The following SLMAP variants were observed in gnomAD, a reference collection of about 807,000 sequenced individuals.
The protein encoded by SLMAP is sarcolemma associated protein, also known as sarcolemmal membrane-associated protein.
Under a neutral mutation model 128.8 loss-of-function variants are expected in SLMAP, and 44 were observed. That is an observed-to-expected ratio of 0.34 (90% confidence interval 0.27 to 0.44). SLMAP has a LOEUF of 0.44. Among genes scored for constraint, SLMAP ranks in the 20% least tolerant of loss-of-function variants. The pLI is 1.00. For missense variants in SLMAP, 787 were observed against 985.3 expected (o/e 0.80, Z 2.69); for synonymous variants, 327 against 348.8 (o/e 0.94, Z 0.70).
intron 2 of SLMAP, among the ~76,000 whole-genome samples, chr3:57,776,102 A>G (rs1417295259): frequency 1.3e-5 from 2 of 152,192 alleles, no homozygotes. Flanking sequence ...ACTATGTGCT[A>G]CTTTGATAAT....
chr3:57,873,498 G>A (rs148956716), intron 14 of SLMAP, among the ~76,000 whole-genome samples: 17,603 of 151,634 alleles, frequency 0.12, 1,115 homozygotes, highest in South Asian at 0.15. Context: ...GTGAGACTCC[G>A]TCTCAAAAAA....
intron 15 of SLMAP, 138 bp downstream of exon 15, chr3:57,890,238 G>C: frequency 1.5e-6 from 1 of 651,778 alleles, no homozygotes; most frequent in Non-Finnish European, 2.6e-6. Flanking sequence ...AACAGTATCA[G>C]ATAATATATA....
chr3:57,874,551 T>A (rs1270393877), intron 14 of SLMAP, among the ~76,000 whole-genome samples: 1 of 151,238 alleles, frequency 6.6e-6, no homozygotes, highest in Non-Finnish European at 1.5e-5. Flanking sequence ...TGAGACTCCG[T>A]CTCTTTGGGG....
At chr3:57,835,488 AAAC>A in intron 3 of SLMAP, among the ~76,000 whole-genome samples, 1 of 152,198 alleles carries the variant, frequency 6.6e-6, no homozygotes, top group East Asian at 1.9e-4. Context: ...AAGCTAGAAT[AAAC>A]AACAAAGTAG....
In SLMAP at chr3:57,917,011, G is replaced by A; in HGVS notation, c.2244G>A (p.Arg748=). The A allele has an allele frequency of 6.2e-7, 1 of 1,613,874 alleles. No individual in the cohort carries two copies. The highest frequency in any genetic ancestry group is 8.5e-7 in the Non-Finnish European group (1 of 1,179,920). Reference sequence around the variant, plus strand: ...GATCCTTGAAAGAACAGCATCTTCGGGATTCAGCTGATTTAAAAACTCTTC... The same window carrying A: ...GATCCTTGAAAGAACAGCATCTTCGAGATTCAGCTGATTTAAAAACTCTTC... ...QVGSLKEQHL[R]DSADLKTLLS... is the part of the protein sequence containing the mutation. Residue 748 remains arginine (R), a synonymous_variant, in exon 22 of 25, where the codon CGG becomes CGA. Transcript: ENST00000671191.
chr3:57,879,430 T>G (rs138054165), intron 14 of SLMAP, among the ~76,000 whole-genome samples: 1 of 152,134 alleles, frequency 6.6e-6, no homozygotes, highest in Admixed American at 6.5e-5. Flanking sequence ...AGAGTGTTCA[T>G]AGCAGCATTA....
Position 57,807,867 on chromosome 3 carries a change from C to T in SLMAP, c.199-23516C>T, listed in dbSNP as rs369730970. On this transcript the variant is annotated intron_variant, in intron 2 of 24. Coordinates refer to ENST00000671191, the MANE Select transcript of SLMAP (RefSeq NM_001377540.1). ...ATGGTACCAGCTCCTCTTTGTTCCT[C>T]TGGTAGAACTTGGCTGTGAATCCAT... Among the ~76,000 whole-genome samples the T allele has an allele frequency of 5.3e-4, 80 of 152,258 alleles. 1 individual carries two copies. Among genetic ancestry groups the T allele is most frequent in the African/African-American group, 1.8e-3 (74 of 41,546 alleles).
intron 14 of SLMAP, among the ~76,000 whole-genome samples, chr3:57,886,843 T>C (rs1456764120): frequency 2.6e-5 from 4 of 152,092 alleles, no homozygotes; most frequent in Non-Finnish European, 5.9e-5. Flanking sequence ...TCATGTGTTA[T>C]ATTGTTTTAT....
In SLMAP at chr3:57,839,434, ATTTTTTTTT is replaced by A. The variant is rs1189313640; in HGVS notation, c.347-1849_347-1841del. Among the ~76,000 whole-genome samples the A allele has an allele frequency of 2.1e-3, 174 of 82,878 alleles. 1 individual carries two copies. The Middle Eastern group carries it at 0.058, about 28-fold the overall frequency. 54.4% of individuals were successfully genotyped at this position (82,878 alleles called of 152,430 possible). A position where few individuals can be genotyped will look rare whatever the true frequency, so the allele number is the denominator to read the frequency against. The stretch of plus-strand genomic sequence containing the variant: ...TAATATCCCCAAATGCATTAGCTCT[ATTTTTTTTT>A]TTTTTTTTTTTTTTTGAGATGGAGT... On this transcript the variant is annotated intron_variant, in intron 3 of 24. Coordinates refer to ENST00000671191, the MANE Select transcript of SLMAP (RefSeq NM_001377540.1).
intron 14 of SLMAP, among the ~76,000 whole-genome samples, chr3:57,888,776 G>A (rs944135031): frequency 1.3e-5 from 2 of 152,108 alleles, no homozygotes; most frequent in African/African-American, 4.8e-5. Flanking sequence ...AGTATCAGAA[G>A]AAATGGCTAA....
intron 15 of SLMAP, among the ~76,000 whole-genome samples, chr3:57,895,567 C>G (rs780684247): frequency 2.0e-5 from 3 of 151,992 alleles, no homozygotes; most frequent in Non-Finnish European, 2.9e-5. Context: ...AACTCCTGAC[C>G]TCATGATCCA....
intron 13 of SLMAP, among the ~76,000 whole-genome samples, chr3:57,867,646 C>G (rs1454069023): frequency 6.6e-6 from 1 of 152,138 alleles, no homozygotes; most frequent in Non-Finnish European, 1.5e-5. Context: ...AGATGCGTCA[C>G]TTAATTCCAT....
chr3:57,864,504 CAG>C (rs756532790), intron 10 of SLMAP, 42 bp from the exon 11 acceptor site: 71 of 1,394,698 alleles, frequency 5.1e-5, no homozygotes, highest in Non-Finnish European at 6.6e-5. Context: ...GCTCTTAAAA[CAG>C]AGTTAGGTTT....
chr3:57,925,740 T>A, intron 23 of SLMAP, 105 bp from the exon 24 acceptor site: 1 of 743,108 alleles, frequency 1.3e-6, no homozygotes, highest in Non-Finnish European at 2.3e-6. Context: ...TATACTTCTA[T>A]TATTTCATTC....
At position 57,838,537 on chromosome 3, in the gene SLMAP, C is replaced by T. The variant is rs148251443; in HGVS notation, c.347-2762C>T. ...ACTGAGAAGCAGATAATCCTTGATG[C>T]CCTCAAAGAGTTGAATCTAATTGGT... On this transcript the variant is annotated intron_variant, in intron 3 of 24. Transcript: ENST00000671191. Among the ~76,000 whole-genome samples, 331 of 152,320 alleles carry T rather than the reference C, an allele frequency of 2.2e-3. 1 individual carries two copies. Among genetic ancestry groups the T allele is most frequent in the African/African-American group, 7.7e-3 (320 of 41,572 alleles).
At chr3:57,776,277 A>G (rs1157968277) in intron 2 of SLMAP, among the ~76,000 whole-genome samples, 4 of 152,116 alleles carry the variant, frequency 2.6e-5, no homozygotes, top group Non-Finnish European at 5.9e-5. Context: ...TAACATTGTT[A>G]CCTTCATTAT....
At chr3:57,873,380 A>G (rs1321960342) in intron 14 of SLMAP, among the ~76,000 whole-genome samples, 2 of 151,924 alleles carry the variant, frequency 1.3e-5, no homozygotes, top group African/African-American at 2.4e-5. Context: ...GCACATGCCT[A>G]TAATCCCAGC....
At chr3:57,904,951 C>G (rs1178695801) in intron 17 of SLMAP, among the ~76,000 whole-genome samples, 2 of 152,106 alleles carry the variant, frequency 1.3e-5, no homozygotes, top group Non-Finnish European at 2.9e-5. Context: ...CCTGCAGTCC[C>G]AGCTACTCAG....
chr3:57,859,250 G>A (rs1223421070), intron 8 of SLMAP, among the ~76,000 whole-genome samples: 1 of 151,770 alleles, frequency 6.6e-6, no homozygotes, highest in Non-Finnish European at 1.5e-5. Flanking sequence ...AAACCCGGTG[G>A]GGGTGGAGGT....
Sources: gnomAD v4.1 joint callset for allele counts (sites outside exome capture counted in the v4.1 genomes callset) on GRCh38, gnomAD v4.1.1 for gene constraint, MANE v1.5 for transcripts, NCBI Gene and HGNC (gene_info 2026-07-23, HGNC 2026-07-21) for gene names.